Variants in CACNA2D2 observed in about 807,000 individuals in gnomAD.
CACNA2D2 encodes calcium voltage-gated channel auxiliary subunit alpha2delta 2, also known as voltage-dependent calcium channel subunit alpha-2/delta-2.
A neutral mutation model predicts 166.4 loss-of-function variants in CACNA2D2; 48 were observed. That is an observed-to-expected ratio of 0.29 (90% CI 0.23 to 0.37). The LOEUF (loss-of-function observed/expected upper bound fraction) is 0.37, where lower values mean the gene tolerates loss of function less well. Ranked by LOEUF, CACNA2D2 falls within the 10% of genes least tolerant of loss-of-function variation. CACNA2D2 has a pLI of 1.00. For missense variants in CACNA2D2, 1,122 were observed against 1,433.0 expected (o/e 0.78, Z 3.50); for synonymous variants, 561 against 573.7 (o/e 0.98, Z 0.32).
chr3:50,398,803 A>G (rs1706288990), intron 3 of CACNA2D2, among the ~76,000 whole-genome samples: 1 of 152,228 alleles, frequency 6.6e-6, no homozygotes, highest in South Asian at 2.1e-4. Context: ...GGCATTTCAG[A>G]GGCAATTATC....
chr3:50,501,492 C>T (rs555460030), intron 1 of CACNA2D2, among the ~76,000 whole-genome samples: 1 of 152,054 alleles, frequency 6.6e-6, no homozygotes, highest in South Asian at 2.1e-4. Context: ...GTGTCGCTGC[C>T]GTCACACCCG....
intron 2 of CACNA2D2, among the ~76,000 whole-genome samples, chr3:50,472,100 C>T (rs952157315): frequency 1.3e-5 from 2 of 152,198 alleles, no homozygotes; most frequent in African/African-American, 4.8e-5. Context: ...GGGGCGGCCC[C>T]GGGTAGCTCC....
chr3:50,388,513 T>G (rs999857661), intron 4 of CACNA2D2, among the ~76,000 whole-genome samples: 2 of 152,204 alleles, frequency 1.3e-5, no homozygotes, highest in East Asian at 3.9e-4. Context: ...CCTCACTCAC[T>G]CAGGGCTTGT....
chr3:50,379,679 C>A lies in CACNA2D2; in HGVS notation c.993+46G>T, dbSNP rs893275997. On this transcript the variant is annotated intron_variant, in intron 10 of 37. Coordinates refer to ENST00000424201, the MANE Select transcript of CACNA2D2 (RefSeq NM_006030.4). The surrounding 1 kb of genome is among the most constrained non-coding windows in gnomAD (Gnocchi z 6.5). ...GCTGGTGATGGTCACAGGAGCAGGG[C>A]AGATGGGGTGACCCATTTCACCCCG... The A allele has an allele frequency of 4.3e-6, 7 of 1,612,242 alleles. No individual in the cohort carries two copies. The African/African-American group carries it at 6.7e-5, about 15-fold the overall frequency.
In CACNA2D2 at chr3:50,378,908, G is replaced by A; in HGVS notation, c.1339+7C>T. ...AGGCCCCTGACAGTGATGCGCAGGGGAGGTACCTTTGTTGGCACAGGCCAT... is the reference window on the plus strand; with the variant it reads ...AGGCCCCTGACAGTGATGCGCAGGGAAGGTACCTTTGTTGGCACAGGCCAT... On this transcript the variant is annotated splice_region_variant and intron_variant, in intron 13 of 37. Coordinates refer to ENST00000424201, the MANE Select transcript of CACNA2D2 (RefSeq NM_006030.4). 7 of 1,613,688 alleles carry A rather than the reference G, an allele frequency of 4.3e-6. No homozygotes were observed. The highest frequency in any genetic ancestry group is 5.9e-6 in the Non-Finnish European group (7 of 1,180,020).
At position 50,376,178 on chromosome 3, in the gene CACNA2D2, T is replaced by C. The variant is rs374732236; in HGVS notation, c.1637A>G (p.Asn546Ser). The change falls in exon 18 of 38, where the codon AAC (asparagine) becomes AGC (serine). Residue 546 changes from asparagine to serine, a missense_variant. Transcript: ENST00000424201. This position sits in a 1 kb window ranked among gnomAD's most constrained non-coding sequence, Gnocchi z 4.3. ...CAGGTCAATGGCAAACACATAGCCG[T>C]TGGCTCCAAGCTGGAGGCACAGATT... Reference protein sequence around the residue: ...RLTPNYTLGANGYVFAIDLNG... With the variant: ...RLTPNYTLGASGYVFAIDLNG... 1.2e-6 allele frequency: 2 copies of C among 1,613,370 alleles called. No homozygotes were observed. The highest frequency in any genetic ancestry group is 1.7e-6 in the Non-Finnish European group (2 of 1,179,966).
chr3:50,499,751 G>A (rs560469603), intron 1 of CACNA2D2, among the ~76,000 whole-genome samples: 1 of 152,336 alleles, frequency 6.6e-6, no homozygotes, highest in South Asian at 2.1e-4. Flanking sequence ...CAAAGAATCT[G>A]GAGTGAGATT....
chr3:50,375,911 C>A lies in CACNA2D2; in HGVS notation c.1774-31G>T, dbSNP rs774305518. ...AGGGCCAGAGATGTGAGGGGCAGGG[C>A]CCCTACACTCCTCTGCTCTGTCCCC... On this transcript the variant is annotated intron_variant, in intron 19 of 37. Transcript: ENST00000424201. The surrounding 1 kb of genome is among the most constrained non-coding windows in gnomAD (Gnocchi z 4.0). 6.2e-7 allele frequency: 1 copy of A among 1,612,518 alleles called. No individual in the cohort carries two copies. The highest frequency in any genetic ancestry group is 8.5e-7 in the Non-Finnish European group (1 of 1,179,726).
At chr3:50,420,189 T>C (rs1001127504) in intron 3 of CACNA2D2, among the ~76,000 whole-genome samples, 3 of 152,188 alleles carry the variant, frequency 2.0e-5, no homozygotes, top group Non-Finnish European at 2.9e-5. Context: ...GGAGTCGCAG[T>C]AAGAGAAGGA....
At chr3:50,414,195 C>T (rs1220463201) in intron 3 of CACNA2D2, among the ~76,000 whole-genome samples, 1 of 152,122 alleles carries the variant, frequency 6.6e-6, no homozygotes, top group Non-Finnish European at 1.5e-5. Context: ...AAAAACAGCA[C>T]ACAGTCATGC....
intron 4 of CACNA2D2, among the ~76,000 whole-genome samples, chr3:50,389,284 A>G (rs1385863357): frequency 6.6e-6 from 1 of 152,268 alleles, no homozygotes; most frequent in Non-Finnish European, 1.5e-5. Context: ...GTTGACGAAG[A>G]TCATTCCTGA....
At chr3:50,492,290 A>G (rs1698553909) in intron 1 of CACNA2D2, among the ~76,000 whole-genome samples, 1 of 152,240 alleles carries the variant, frequency 6.6e-6, no homozygotes, top group Non-Finnish European at 1.5e-5. Context: ...TGCCAGCACT[A>G]TCTTCAGACG....
Position 50,381,167 on chromosome 3 carries a change from T to A in CACNA2D2, c.653-41A>T, listed in dbSNP as rs373970553. On this transcript the variant is annotated intron_variant, in intron 6 of 37. Coordinates refer to ENST00000424201, the MANE Select transcript of CACNA2D2 (RefSeq NM_006030.4). Reference sequence around the variant, plus strand: ...GAGCTGGGGTGGGGAGCACCTGGGCTGTGTCCTGTCGAACCCACCACCACG... The same window carrying A: ...GAGCTGGGGTGGGGAGCACCTGGGCAGTGTCCTGTCGAACCCACCACCACG... The A allele has an allele frequency of 4.2e-5, 67 of 1,610,150 alleles. No individual in the cohort carries two copies. The African/African-American group carries it at 7.2e-4, about 17-fold the overall frequency.
chr3:50,440,443 G>T (rs376109060), intron 2 of CACNA2D2, among the ~76,000 whole-genome samples: 24 of 152,280 alleles, frequency 1.6e-4, no homozygotes, highest in East Asian at 9.6e-4. Flanking sequence ...TGGCCCCATG[G>T]TCACTCAGCT....
intron 6 of CACNA2D2, among the ~76,000 whole-genome samples, chr3:50,382,436 G>A (rs934502534): frequency 1.3e-5 from 2 of 152,134 alleles, no homozygotes; most frequent in Non-Finnish European, 2.9e-5. Flanking sequence ...CACACTCTGG[G>A]GCACTCTCCC....
intron 2 of CACNA2D2, among the ~76,000 whole-genome samples, chr3:50,436,230 C>T (rs917036348): frequency 6.6e-6 from 1 of 152,174 alleles, no homozygotes; most frequent in Non-Finnish European, 1.5e-5. Context: ...GAGAGTGGTG[C>T]CCCGACCCAT....
At chr3:50,484,970 C>T (rs1200998129) in intron 1 of CACNA2D2, among the ~76,000 whole-genome samples, 5 of 152,322 alleles carry the variant, frequency 3.3e-5, no homozygotes, top group Admixed American at 6.5e-5. Context: ...AGGGCTGGCC[C>T]AGGAGGCCCT....
rs560149342 is a variant in CACNA2D2, at chr3:50,501,933, C to A, written c.206+1285G>T. Among the ~76,000 whole-genome samples the A allele has an allele frequency of 5.6e-4, 86 of 152,272 alleles. 1 individual carries two copies. In the South Asian group the frequency reaches 6.4e-3, roughly 11 times the overall value. ...ACGGTTGACAGAGGACACGTCCGTGCGGCACTTGTAATTTGCCAACTGATC... is the reference window on the plus strand; with the variant it reads ...ACGGTTGACAGAGGACACGTCCGTGAGGCACTTGTAATTTGCCAACTGATC... On this transcript the variant is annotated intron_variant, in intron 1 of 37. Transcript: ENST00000424201.
At position 50,367,722 on chromosome 3, in the gene CACNA2D2, G is replaced by A; in HGVS notation, c.2235-18C>T. 1.9e-6 allele frequency: 3 copies of A among 1,612,322 alleles called. No individual in the cohort carries two copies. The highest frequency in any genetic ancestry group is 1.7e-6 in the Non-Finnish European group (2 of 1,178,922). On this transcript the variant is annotated intron_variant, in intron 25 of 37. Coordinates refer to ENST00000424201, the MANE Select transcript of CACNA2D2 (RefSeq NM_006030.4). The surrounding 1 kb of genome is among the most constrained non-coding windows in gnomAD (Gnocchi z 6.5). Reference sequence around the variant, plus strand: ...GGCTGTACCTGGGGGTAGCAGGGGGGTGGGGTCACAGGCCTGCCTTCTGCT... The same window carrying A: ...GGCTGTACCTGGGGGTAGCAGGGGGATGGGGTCACAGGCCTGCCTTCTGCT...
Sources: allele counts gnomAD v4.1 joint callset (sites outside exome capture counted in the v4.1 genomes callset), GRCh38; gene constraint gnomAD v4.1.1; non-coding constraint Gnocchi (gnomAD v3.1); transcripts MANE v1.5; gene names NCBI Gene and HGNC (gene_info 2026-07-23, HGNC 2026-07-21).